The following DENND5B variants were observed in gnomAD, a reference collection of about 807,000 sequenced individuals.
DENND5B encodes DENN domain containing 5B, also known as DENN domain-containing protein 5B.
In DENND5B, 34 loss-of-function variants were observed where a neutral mutation model predicts 140.6. That is an observed-to-expected ratio of 0.24 (90% CI 0.18 to 0.32). The LOEUF is 0.32. DENND5B is among the 10% of genes least tolerant of loss of function. DENND5B has a pLI of 1.00. For synonymous variants in DENND5B, 551 were observed against 562.1 expected, an observed-to-expected ratio of 0.98 and a Z score of 0.28; for missense variants, 1,142 against 1,560.2, an observed-to-expected ratio of 0.73 and a Z score of 4.52.
intron 1 of DENND5B, among the ~76,000 whole-genome samples, chr12:31,544,872 AG>A (rs1948805861): frequency 6.6e-6 from 1 of 152,238 alleles, no homozygotes; most frequent in South Asian, 2.1e-4. Context: ...AAGACTTTAG[AG>A]GAAAGTTCTT....
intron 17 of DENND5B, among the ~76,000 whole-genome samples, chr12:31,396,053 C>CCTGTTTTTTTTTTTTT (rs1399702795): frequency 1.9e-5 from 2 of 102,844 alleles, no homozygotes. Flanking sequence ...GTTGGCATTC[C>CCTGTTTTTTTTTTTTT]TTGTTTTTTT....
chr12:31,442,954 G>C lies in DENND5B; in HGVS notation c.1862-29C>G, dbSNP rs1944103248. On this transcript the variant is annotated intron_variant, in intron 6 of 20. Transcript: ENST00000389082. ...TAAATTAAATTTATAATAAATTAGA[G>C]ACATTTCATTGCTAGCCCTTCAAAA... The C allele has an allele frequency of 1.9e-6, 3 of 1,538,944 alleles. No homozygotes were observed. In the East Asian group the frequency reaches 7.4e-5, roughly 38 times the overall value.
intron 14 of DENND5B, among the ~76,000 whole-genome samples, chr12:31,408,624 CAAAAAAAAAAA>C (rs33965275): frequency 1.1e-4 from 8 of 71,960 alleles, no homozygotes; most frequent in Middle Eastern, 7.2e-3. Flanking sequence ...GAGACTCTAT[CAAAAAAAAAAA>C]AAAAAAAAAA....
At chr12:31,511,739 A>G (rs1324003113) in intron 1 of DENND5B, among the ~76,000 whole-genome samples, 1 of 152,000 alleles carries the variant, frequency 6.6e-6, no homozygotes, top group Admixed American at 6.5e-5. Context: ...GGCAATAAAA[A>G]TGTTCGTTGA....
chr12:31,557,758 A>C (rs1949343037), intron 1 of DENND5B, among the ~76,000 whole-genome samples: 1 of 151,500 alleles, frequency 6.6e-6, no homozygotes, highest in Non-Finnish European at 1.5e-5. Flanking sequence ...AAAGGGCTGA[A>C]ACGTGGGAAC....
intron 2 of DENND5B, among the ~76,000 whole-genome samples, chr12:31,484,250 C>T (rs964218838): frequency 6.6e-6 from 1 of 152,116 alleles, no homozygotes; most frequent in Non-Finnish European, 1.5e-5. Flanking sequence ...TGCTAACTAA[C>T]GCACAGTGCA....
chr12:31,516,878 G>T (rs1947677021), intron 1 of DENND5B, among the ~76,000 whole-genome samples: 1 of 152,092 alleles, frequency 6.6e-6, no homozygotes, highest in Non-Finnish European at 1.5e-5. Context: ...TGTTGAGGCT[G>T]CAGTGAGCCC....
chr12:31,438,786 A>G (rs1943897673), intron 7 of DENND5B, among the ~76,000 whole-genome samples: 1 of 152,182 alleles, frequency 6.6e-6, no homozygotes, highest in Non-Finnish European at 1.5e-5. Context: ...AGGGATTTTA[A>G]AAATTAGGGT....
chr12:31,571,705 C>A (rs1282145445), intron 1 of DENND5B, among the ~76,000 whole-genome samples: 1 of 152,130 alleles, frequency 6.6e-6, no homozygotes, highest in East Asian at 1.9e-4. Context: ...GCAACCTCCA[C>A]CTCTCGGGCT....
At chr12:31,561,526 G>C (rs1949474696) in intron 1 of DENND5B, among the ~76,000 whole-genome samples, 1 of 152,112 alleles carries the variant, frequency 6.6e-6, no homozygotes, top group Admixed American at 6.6e-5. Flanking sequence ...TCTAGGAAAA[G>C]GGGCTTACTT....
chr12:31,524,652 T>C (rs1025204639), intron 1 of DENND5B, among the ~76,000 whole-genome samples: 1 of 151,386 alleles, frequency 6.6e-6, no homozygotes, highest in Non-Finnish European at 1.5e-5. Flanking sequence ...TGATACTCTG[T>C]GACATTTACA....
intron 7 of DENND5B, among the ~76,000 whole-genome samples, chr12:31,433,736 T>C (rs1262522062): frequency 2.0e-5 from 3 of 152,208 alleles, no homozygotes; most frequent in Non-Finnish European, 2.9e-5. Flanking sequence ...TAAGGAAAGA[T>C]TTCTATCCAA....
At chr12:31,567,525 T>TCAA (rs778266873) in intron 1 of DENND5B, among the ~76,000 whole-genome samples, 1 of 91,746 alleles carries the variant, frequency 1.1e-5, no homozygotes, top group Non-Finnish European at 2.0e-5. Context: ...AGACTCTGTC[T>TCAA]AAAAAAAAAA....
intron 1 of DENND5B, among the ~76,000 whole-genome samples, chr12:31,548,390 A>AC (rs1187628608): frequency 8.7e-6 from 1 of 115,388 alleles, no homozygotes; most frequent in Non-Finnish European, 1.8e-5. Context: ...GTCTCAAAAA[A>AC]CAAAAAAAAA....
At chr12:31,590,607 G>T in intron 1 of DENND5B, 99 bp downstream of exon 1, 1 of 1,299,634 alleles carries the variant, frequency 7.7e-7, no homozygotes, top group Non-Finnish European at 9.8e-7. Context: ...GCCACCGGGA[G>T]CTGACTTTGT....
chr12:31,431,471 T>C (rs1943507321), intron 8 of DENND5B, among the ~76,000 whole-genome samples: 1 of 152,188 alleles, frequency 6.6e-6, no homozygotes, highest in African/African-American at 2.4e-5. Flanking sequence ...TAGGTCCAGC[T>C]CTGTCTTTGT....
intron 1 of DENND5B, among the ~76,000 whole-genome samples, chr12:31,518,582 T>TG (rs34779643): frequency 0.078 from 11,864 of 152,110 alleles, 1,064 homozygotes; most frequent in African/African-American, 0.22. Context: ...TATACCTTTT[T>TG]TTTTTTTTAC....
intron 1 of DENND5B, among the ~76,000 whole-genome samples, chr12:31,541,857 C>G (rs543968085): frequency 1.1e-4 from 17 of 152,190 alleles, no homozygotes; most frequent in Non-Finnish European, 2.2e-4. Flanking sequence ...TAATGGAGCA[C>G]TATTCAGCCA....
chr12:31,496,398 G>C (rs1241263275), intron 1 of DENND5B, among the ~76,000 whole-genome samples: 1 of 152,096 alleles, frequency 6.6e-6, no homozygotes, highest in South Asian at 2.1e-4. Context: ...TGCATATCCA[G>C]GTTCTCCAGT....
Sources: gnomAD v4.1 joint callset for allele counts (sites outside exome capture counted in the v4.1 genomes callset) on GRCh38, gnomAD v4.1.1 for gene constraint, MANE v1.5 for transcripts, NCBI Gene and HGNC (gene_info 2026-07-23, HGNC 2026-07-21) for gene names.